CSMD3: variants seen among roughly 807,000 people sequenced by gnomAD.
The protein encoded by CSMD3 is CUB and sushi domain-containing protein 3.
In CSMD3, 177 loss-of-function variants were observed where a neutral mutation model predicts 435.2. The ratio of observed to expected loss-of-function variants is 0.41; its 90% CI spans 0.36 to 0.46. The LOEUF (loss-of-function observed/expected upper bound fraction) is 0.46, where lower values mean the gene tolerates loss of function less well. CSMD3 is among the 20% of genes least tolerant of loss of function. The pLI is 0.34. For synonymous variants in CSMD3, 1,656 were observed against 1,520.5 expected (o/e 1.09, Z -2.07); for missense variants, 4,265 against 4,504.6 (o/e 0.95, Z 1.52).
At position 113,314,454 on chromosome 8, in the gene CSMD3, G is replaced by T. The variant is rs1588498690; in HGVS notation, c.401+117C>A. Reference sequence around the variant, plus strand: ...TATATTTTCAAATAAATAATAATTAGATGGTGAATACAACTTTATTATAAT... The same window carrying T: ...TATATTTTCAAATAAATAATAATTATATGGTGAATACAACTTTATTATAAT... On this transcript the variant is annotated intron_variant, in intron 2 of 70. Coordinates refer to ENST00000297405, the MANE Select transcript of CSMD3 (RefSeq NM_198123.2). 12 of 697,500 alleles carry T rather than the reference G, an allele frequency of 1.7e-5. 1 individual carries two copies. The East Asian group carries it at 3.0e-4, about 17-fold the overall frequency. The allele number at this position is 697,500 out of a possible 1,614,324, so 43.2% of individuals were successfully genotyped here. A position where few individuals can be genotyped will look rare whatever the true frequency, so the allele number is the denominator to read the frequency against.
At chr8:113,044,428 A>AT (rs955582614) in intron 5 of CSMD3, among the ~76,000 whole-genome samples, 3 of 148,838 alleles carry the variant, frequency 2.0e-5, no homozygotes, top group African/African-American at 4.9e-5. Context: ...ATTGTTAAAC[A>AT]TTTTTTTCTG....
chr8:112,505,191 C>T (rs143238610), intron 29 of CSMD3, among the ~76,000 whole-genome samples: 8 of 152,144 alleles, frequency 5.3e-5, no homozygotes, highest in African/African-American at 7.2e-5. Flanking sequence ...GCCCCTCTAA[C>T]GTGAGAAAAT....
intron 13 of CSMD3, among the ~76,000 whole-genome samples, chr8:112,722,500 G>C (rs1464759450): frequency 1.3e-5 from 2 of 152,066 alleles, no homozygotes; most frequent in Non-Finnish European, 2.9e-5. Context: ...CTTTCAAATT[G>C]TTATGCAAAA....
At chr8:112,819,552 A>G (rs73702226) in intron 12 of CSMD3, among the ~76,000 whole-genome samples, 2,010 of 152,326 alleles carry the variant, frequency 0.013, 46 homozygotes, top group African/African-American at 0.046. Context: ...AGCCAGTCCT[A>G]TTAAAACACC....
chr8:112,721,414 A>C (rs2131969552), intron 13 of CSMD3, among the ~76,000 whole-genome samples: 1 of 152,130 alleles, frequency 6.6e-6, no homozygotes. Context: ...GTCTCTACTA[A>C]AAATACAAAA....
At position 112,313,878 on chromosome 8, in the gene CSMD3, C is replaced by T. The variant is rs762900477; in HGVS notation, c.7696+28G>A. 1.1e-5 allele frequency: 17 copies of T among 1,563,670 alleles called. No individual in the cohort carries two copies. In the East Asian group the frequency reaches 3.6e-4, roughly 33 times the overall value. On this transcript the variant is annotated intron_variant, in intron 49 of 70. Coordinates refer to ENST00000297405, the MANE Select transcript of CSMD3 (RefSeq NM_198123.2). ...ATCATACCGAAGATGATAGTGAGAT[C>T]TGTCCTGAAGTTATAAGTTTTACAT...
intron 10 of CSMD3, among the ~76,000 whole-genome samples, chr8:112,899,574 T>C (rs1281806314): frequency 1.4e-5 from 2 of 138,826 alleles, no homozygotes; most frequent in Non-Finnish European, 3.1e-5. Flanking sequence ...TATACCAACC[T>C]AACCCAAAAT....
At chr8:112,655,615 T>G (rs2131657728) in intron 18 of CSMD3, among the ~76,000 whole-genome samples, 1 of 152,176 alleles carries the variant, frequency 6.6e-6, no homozygotes, top group African/African-American at 2.4e-5. Flanking sequence ...GAATTATAGC[T>G]TGTATTAATA....
At chr8:113,190,415 C>A (rs1464794836) in intron 3 of CSMD3, among the ~76,000 whole-genome samples, 1 of 151,692 alleles carries the variant, frequency 6.6e-6, no homozygotes, top group African/African-American at 2.4e-5. Context: ...ACGAGAACTG[C>A]AAATGCAATG....
chr8:112,585,968 T>G (rs902046861), intron 23 of CSMD3, among the ~76,000 whole-genome samples: 1 of 151,646 alleles, frequency 6.6e-6, no homozygotes, highest in African/African-American at 2.4e-5. Flanking sequence ...ATAGTGAATT[T>G]TGTTGCCAGT....
intron 6 of CSMD3, among the ~76,000 whole-genome samples, chr8:113,009,134 G>C (rs1033962936): frequency 3.3e-5 from 5 of 151,614 alleles, no homozygotes; most frequent in African/African-American, 1.2e-4. Context: ...TTTTTGGCTG[G>C]TGCTCTGCAA....
intron 4 of CSMD3, among the ~76,000 whole-genome samples, chr8:113,126,374 TG>T (rs2091128159): frequency 6.6e-6 from 1 of 151,962 alleles, no homozygotes; most frequent in South Asian, 2.1e-4. Context: ...TGAAAATTCA[TG>T]GGCACATACA....
At chr8:112,525,886 A>ATATATATATTTTATATATG (rs1470960255) in intron 27 of CSMD3, among the ~76,000 whole-genome samples, 3 of 142,658 alleles carry the variant, frequency 2.1e-5, no homozygotes, top group African/African-American at 5.1e-5. Context: ...ATATATATAA[A>ATATATATATTTTATATATG]TATATATATT....
intron 16 of CSMD3, among the ~76,000 whole-genome samples, chr8:112,673,837 G>T (rs1586940042): frequency 6.6e-6 from 1 of 152,238 alleles, no homozygotes; most frequent in East Asian, 1.9e-4. Context: ...AGGAGCATAA[G>T]CCACAGCTAT....
Position 113,088,388 on chromosome 8 carries a change from T to C in CSMD3, c.917+10368A>G, listed in dbSNP as rs1484500613. On this transcript the variant is annotated intron_variant, in intron 5 of 70. Coordinates refer to ENST00000297405, the MANE Select transcript of CSMD3 (RefSeq NM_198123.2). ...TATACCCAAAGGACTATAAATCATG[T>C]TGCTATAAAGACACATGCACACGTA... is the stretch of plus-strand genomic sequence containing the variant. Among the ~76,000 whole-genome samples the C allele has an allele frequency of 4.8e-3, 714 of 148,674 alleles. 6 individuals carry two copies. The highest frequency in any genetic ancestry group is 0.017 in the African/African-American group (670 of 39,530).
intron 16 of CSMD3, among the ~76,000 whole-genome samples, chr8:112,676,870 T>C (rs1208820783): frequency 6.6e-6 from 1 of 152,106 alleles, no homozygotes; most frequent in Non-Finnish European, 1.5e-5. Context: ...TCAAGTTCTT[T>C]TGGGATTCAT....
At chr8:113,226,885 T>A (rs571321132) in intron 3 of CSMD3, among the ~76,000 whole-genome samples, 1 of 151,694 alleles carries the variant, frequency 6.6e-6, no homozygotes, top group African/African-American at 2.4e-5. Context: ...ATTTGATATG[T>A]TTTGAAACAA....
At chr8:113,130,318 G>A (rs551679834) in intron 4 of CSMD3, among the ~76,000 whole-genome samples, 4 of 152,184 alleles carry the variant, frequency 2.6e-5, no homozygotes, top group Admixed American at 2.6e-4. Context: ...TCGAATTGAG[G>A]GAGGCACCTG....
intron 12 of CSMD3, among the ~76,000 whole-genome samples, chr8:112,803,181 A>T (rs1277963631): frequency 6.6e-6 from 1 of 152,272 alleles, no homozygotes; most frequent in East Asian, 1.9e-4. Flanking sequence ...TGGATAAATT[A>T]AAGGCACTTT....
Sources: allele counts gnomAD v4.1 joint callset (sites outside exome capture counted in the v4.1 genomes callset), GRCh38; gene constraint gnomAD v4.1.1; transcripts MANE v1.5; gene names NCBI Gene and HGNC (gene_info 2026-07-23, HGNC 2026-07-21).